CTNNA2: variants seen among roughly 807,000 people sequenced by gnomAD.
CTNNA2 encodes catenin alpha-2.
A neutral mutation model predicts 101.0 loss-of-function variants in CTNNA2; 42 were observed. The ratio of observed to expected loss-of-function variants is 0.42; its 90% CI spans 0.32 to 0.54. The LOEUF is 0.54. Ranked by LOEUF, CTNNA2 falls within the 20% of genes least tolerant of loss-of-function variation. The pLI is 0.14. For synonymous variants in CTNNA2, 450 were observed against 456.4 expected (o/e 0.99, Z 0.18); for missense variants, 871 against 1,223.1 (o/e 0.71, Z 4.29).
chr2:79,255,315 A>C (rs984439470), intron 2 of CTNNA2, among the ~76,000 whole-genome samples: 1 of 152,222 alleles, frequency 6.6e-6, no homozygotes, highest in African/African-American at 2.4e-5. Context: ...CCAACCATGG[A>C]AAGTTGCCAT....
At position 79,528,105 on chromosome 2, in the gene CTNNA2, A is replaced by T. The variant is rs562487136; in HGVS notation, c.-6+14898A>T. ...GATTGAATTTATATAAAATGTCCAG[A>T]ATTCACCAATCTATGTAGAGAAAAA... On this transcript the variant is annotated intron_variant, in intron 1 of 18. Transcript: ENST00000402739. 3.3e-5 allele frequency among the ~76,000 whole-genome samples: 5 copies of T among 152,322 alleles called. No homozygotes were observed. The East Asian group carries it at 9.7e-4, about 29-fold the overall frequency.
chr2:80,386,357 G>A (rs11884362), intron 7 of CTNNA2, among the ~76,000 whole-genome samples: 5,940 of 152,190 alleles, frequency 0.039, 279 homozygotes, highest in African/African-American at 0.1. Flanking sequence ...TCTTTTCCAA[G>A]AGAAATGTCC....
At chr2:79,971,897 A>G (rs1690511030) in intron 7 of CTNNA2, among the ~76,000 whole-genome samples, 1 of 152,186 alleles carries the variant, frequency 6.6e-6, no homozygotes, top group Admixed American at 6.5e-5. Context: ...GGGTCTTACA[A>G]GTTGGTTCTA....
intron 7 of CTNNA2, among the ~76,000 whole-genome samples, chr2:80,179,658 C>T (rs932232232): frequency 4.6e-5 from 7 of 152,190 alleles, no homozygotes; most frequent in Non-Finnish European, 1.0e-4. Context: ...CAGGTGTGAG[C>T]CACTGTGCCC....
chr2:80,560,232 G>A (rs967979687), intron 12 of CTNNA2, among the ~76,000 whole-genome samples: 6 of 151,930 alleles, frequency 3.9e-5, no homozygotes, highest in Admixed American at 2.0e-4. Context: ...AAGGTTTTTC[G>A]TTTTACAACA....
intron 2 of CTNNA2, among the ~76,000 whole-genome samples, chr2:79,686,797 G>C (rs575598030): frequency 2.0e-5 from 3 of 152,066 alleles, no homozygotes; most frequent in African/African-American, 7.2e-5. Context: ...TGATGATGTG[G>C]GTGTCCCAAT....
At chr2:80,323,978 T>C (rs1678983720) in intron 7 of CTNNA2, among the ~76,000 whole-genome samples, 1 of 152,184 alleles carries the variant, frequency 6.6e-6, no homozygotes, top group African/African-American at 2.4e-5. Flanking sequence ...CCCTTAAAGC[T>C]GCAATTAAAG....
rs144419346 is a variant in CTNNA2, at chr2:80,122,289, C to T, written c.1056+212492C>T. ...CCTCTCTTTCTTTGTCTCTGTCTCT[C>T]TCTCAATCTCTCTTCCCTCTCTCTG... On this transcript the variant is annotated intron_variant, in intron 7 of 18. Transcript: ENST00000402739. 2.0e-3 allele frequency among the ~76,000 whole-genome samples: 309 copies of T among 151,060 alleles called. 2 individuals are homozygous for T. The highest frequency in any genetic ancestry group is 7.1e-3 in the African/African-American group (293 of 41,140).
chr2:80,030,541 T>A (rs1695222784), intron 7 of CTNNA2: 1 of 152,196 alleles, frequency 6.6e-6, no homozygotes. Context: ...TTCGTTGTCC[T>A]GAGTCTTCAG....
intron 4 of CTNNA2, among the ~76,000 whole-genome samples, chr2:79,420,203 T>C (rs928335345): frequency 6.6e-6 from 1 of 152,106 alleles, no homozygotes; most frequent in African/African-American, 2.4e-5. Flanking sequence ...CAAGGAAGTA[T>C]AAAGAGCAAC....
intron 7 of CTNNA2, among the ~76,000 whole-genome samples, chr2:80,297,194 A>G (rs1363844468): frequency 1.3e-5 from 2 of 152,220 alleles, no homozygotes; most frequent in African/African-American, 4.8e-5. Context: ...TGTGTTGAGC[A>G]TGTATCCTGT....
chr2:80,340,849 A>G (rs566425658), intron 7 of CTNNA2, among the ~76,000 whole-genome samples: 4 of 152,228 alleles, frequency 2.6e-5, no homozygotes, highest in South Asian at 2.1e-4. Flanking sequence ...TCATACTCCA[A>G]TCTCAAATCC....
chr2:80,558,962 G>A (rs1272429840), intron 12 of CTNNA2, among the ~76,000 whole-genome samples: 1 of 152,136 alleles, frequency 6.6e-6, no homozygotes, highest in Non-Finnish European at 1.5e-5. Flanking sequence ...TTCTTGGGGA[G>A]AGTTCTGGGG....
intron 3 of CTNNA2, among the ~76,000 whole-genome samples, chr2:79,811,988 A>G (rs934766569): frequency 7.9e-5 from 12 of 152,190 alleles, no homozygotes; most frequent in Non-Finnish European, 1.5e-5. Flanking sequence ...TTTAAATGAT[A>G]CTTTTAAAAA....
chr2:79,894,900 A>G (rs1325291985), intron 6 of CTNNA2, among the ~76,000 whole-genome samples: 3 of 152,226 alleles, frequency 2.0e-5, no homozygotes, highest in Non-Finnish European at 2.9e-5. Context: ...GGCTGCTTAA[A>G]TGAATATATT....
At chr2:80,571,034 C>T (rs1043722851) in intron 12 of CTNNA2, among the ~76,000 whole-genome samples, 6 of 152,074 alleles carry the variant, frequency 3.9e-5, no homozygotes, top group Admixed American at 1.3e-4. Context: ...TGGCAAAAAC[C>T]GCATTTATTT....
intron 2 of CTNNA2, among the ~76,000 whole-genome samples, chr2:79,307,452 A>G (rs1676273575): frequency 6.6e-6 from 1 of 152,190 alleles, no homozygotes; most frequent in African/African-American, 2.4e-5. Flanking sequence ...TTTAGCTTCC[A>G]CATATGAGTG....
At chr2:79,716,529 G>T (rs1056781670) in intron 2 of CTNNA2, among the ~76,000 whole-genome samples, 1 of 152,118 alleles carries the variant, frequency 6.6e-6, no homozygotes, top group African/African-American at 2.4e-5. Flanking sequence ...TCATCGTTCA[G>T]CTCCCACTGA....
intron 7 of CTNNA2, among the ~76,000 whole-genome samples, chr2:80,222,329 T>A: frequency 7.2e-6 from 1 of 138,234 alleles, no homozygotes; most frequent in South Asian, 2.4e-4. Flanking sequence ...AAATTATATC[T>A]TTATCTTATC....
Sources: allele counts gnomAD v4.1 joint callset (sites outside exome capture counted in the v4.1 genomes callset), GRCh38; gene constraint gnomAD v4.1.1; transcripts MANE v1.5; gene names NCBI Gene and HGNC (gene_info 2026-07-23, HGNC 2026-07-21).